The following PARD3B variants were observed in gnomAD, a reference collection of about 807,000 sequenced individuals.
The protein encoded by PARD3B is partitioning defective 3 homolog B.
PARD3B carries 103 observed loss-of-function variants against 130.2 expected under a neutral mutation model. The observed-to-expected ratio is 0.79, with a 90% confidence interval of 0.67 to 0.93. The LOEUF is 0.93. Among genes scored for constraint, PARD3B ranks in the 40% least tolerant of loss-of-function variants. The probability of loss-of-function intolerance (pLI) is 0.00; values close to 1 mark genes in which losing one functional copy is unlikely to be tolerated. For synonymous variants in PARD3B, 583 were observed against 553.2 expected (o/e 1.05, Z -0.76); for missense variants, 1,609 against 1,499.2 (o/e 1.07, Z -1.21).
chr2:205,003,977 G>A lies in PARD3B; in HGVS notation c.394+38654G>A, dbSNP rs554401313. ...TACACCAAAAAGAATTACAAAGTGG[G>A]GTCTGGGGCAGGGAGGCATGAAGAC... On this transcript the variant is annotated intron_variant, in intron 3 of 22. Coordinates refer to ENST00000406610, the MANE Select transcript of PARD3B (RefSeq NM_001302769.2). Among the ~76,000 whole-genome samples, 193 of 152,244 alleles carry A rather than the reference G, an allele frequency of 1.3e-3. 1 individual carries two copies. The highest frequency in any genetic ancestry group is 2.3e-3 in the Non-Finnish European group (156 of 68,012).
chr2:205,584,405 C>T lies in PARD3B; in HGVS notation c.3260+31002C>T, dbSNP rs1222748484. On this transcript the variant is annotated intron_variant, in intron 22 of 22. Coordinates refer to ENST00000406610, the MANE Select transcript of PARD3B (RefSeq NM_001302769.2). The surrounding 1 kb of genome is among the most constrained non-coding windows in gnomAD (Gnocchi z 5.5). Reference sequence around the variant, plus strand: ...TAAATTATGTATGCGAGGCCGGACACGATAGCTCATGCTTACAATCCCAGC... The same window carrying T: ...TAAATTATGTATGCGAGGCCGGACATGATAGCTCATGCTTACAATCCCAGC... Among the ~76,000 whole-genome samples, 1 of 152,110 alleles carries T rather than the reference C, an allele frequency of 6.6e-6. No individual in the cohort carries two copies. The highest frequency in any genetic ancestry group is 2.4e-5 in the African/African-American group (1 of 41,416).
intron 10 of PARD3B, among the ~76,000 whole-genome samples, chr2:205,151,211 T>C (rs1007646188): frequency 6.6e-6 from 1 of 152,200 alleles, no homozygotes; most frequent in Non-Finnish European, 1.5e-5. Context: ...ATAAGTGTGA[T>C]ATGGTGCTGA....
At chr2:205,257,229 G>T (rs113167196) in intron 16 of PARD3B, among the ~76,000 whole-genome samples, 1 of 151,948 alleles carries the variant, frequency 6.6e-6, no homozygotes, top group Non-Finnish European at 1.5e-5. Context: ...ATTAGAAACC[G>T]CATACCCCTA....
At chr2:204,881,834 G>A (rs138107195) in intron 2 of PARD3B, among the ~76,000 whole-genome samples, 171 of 152,258 alleles carry the variant, frequency 1.1e-3, no homozygotes, top group African/African-American at 3.9e-3. Context: ...CTGCCTAGTC[G>A]CCTCTTTTTC....
chr2:205,034,295 G>C (rs1164943030), intron 3 of PARD3B, among the ~76,000 whole-genome samples: 1 of 152,166 alleles, frequency 6.6e-6, no homozygotes, highest in Non-Finnish European at 1.5e-5. Flanking sequence ...CCATCAAACA[G>C]CTTACAATGT....
At position 205,458,731 on chromosome 2, in the gene PARD3B, TTA is replaced by T. The variant is rs2048353914; in HGVS notation, c.3044+18060_3044+18061del. On this transcript the variant is annotated intron_variant, in intron 20 of 22. Coordinates refer to ENST00000406610, the MANE Select transcript of PARD3B (RefSeq NM_001302769.2). This position sits in a 1 kb window ranked among gnomAD's most constrained non-coding sequence, Gnocchi z 4.8. The stretch of plus-strand genomic sequence containing the variant: ...ATATTGTTTGATTTTCTTCTTCACT[TTA>T]GTCATTTGGTCTTATCTCCTGGTAT... Among the ~76,000 whole-genome samples, 1 of 152,200 alleles carries T rather than the reference TTA, an allele frequency of 6.6e-6. No individual in the cohort carries two copies. The highest frequency in any genetic ancestry group is 1.9e-4 in the East Asian group (1 of 5,190).
chr2:204,554,932 G>C (rs1192870579), intron 1 of PARD3B, among the ~76,000 whole-genome samples: 1 of 152,204 alleles, frequency 6.6e-6, no homozygotes, highest in African/African-American at 2.4e-5. Flanking sequence ...TCCCTTATCG[G>C]AATGGCTCAC....
At chr2:205,398,647 G>A (rs1190412304) in intron 18 of PARD3B, among the ~76,000 whole-genome samples, 1 of 152,168 alleles carries the variant, frequency 6.6e-6, no homozygotes, top group African/African-American at 2.4e-5. Context: ...AGGCTTCTAG[G>A]AAAGGCAGGA....
intron 1 of PARD3B, among the ~76,000 whole-genome samples, chr2:204,683,999 C>A (rs990636917): frequency 6.6e-6 from 1 of 152,130 alleles, no homozygotes; most frequent in Non-Finnish European, 1.5e-5. Flanking sequence ...GGATGTGATG[C>A]GGCAACCCCA....
At chr2:204,938,477 G>A (rs1468693728) in intron 2 of PARD3B, among the ~76,000 whole-genome samples, 1 of 152,162 alleles carries the variant, frequency 6.6e-6, no homozygotes, top group East Asian at 1.9e-4. Context: ...CCAATTCAGA[G>A]AGGCCCTTCT....
rs377142288 is a variant in PARD3B, at chr2:205,301,523, C to T, written c.2452C>T (p.Pro818Ser). The stretch of plus-strand genomic sequence containing the variant: ...AGGAGCTCTGAATTGTGAGTCTGCC[C>T]CTCAGGGGAATTCGGAGCTAGAGGA... ...GQGALNCESA[P>S]QGNSELEDME... The change falls in exon 18 of 23, where the codon CCT (proline) becomes TCT (serine). Residue 818 changes from proline (P) to serine (S), a missense_variant. Pro to Ser is a moderately conservative substitution (Grantham distance 74). Transcript: ENST00000406610. The surrounding 1 kb of genome is among the most constrained non-coding windows in gnomAD (Gnocchi z 5.2). 2.7e-4 allele frequency: 435 copies of T among 1,613,724 alleles called. No individual in the cohort carries two copies. Among genetic ancestry groups the T allele is most frequent in the Non-Finnish European group, 3.5e-4 (412 of 1,180,020 alleles).
intron 11 of PARD3B, among the ~76,000 whole-genome samples, chr2:205,166,636 G>C (rs1359687089): frequency 6.6e-6 from 1 of 152,074 alleles, no homozygotes; most frequent in African/African-American, 2.4e-5. Flanking sequence ...TCTTTTCTTA[G>C]TTTAGGGTTT....
chr2:204,780,428 G>C (rs968477239), intron 2 of PARD3B, among the ~76,000 whole-genome samples: 1 of 152,150 alleles, frequency 6.6e-6, no homozygotes, highest in African/African-American at 2.4e-5. Context: ...AGGAAAGCCT[G>C]CATGAAACAG....
At chr2:205,126,913 G>T (rs1284986321) in intron 10 of PARD3B, among the ~76,000 whole-genome samples, 1 of 151,926 alleles carries the variant, frequency 6.6e-6, no homozygotes, top group Non-Finnish European at 1.5e-5. Context: ...ATACATCTGG[G>T]ATATTGGTTA....
In PARD3B at chr2:205,417,957, A is replaced by G. The variant is rs140475911; in HGVS notation, c.2741+16834A>G. ...ATAGGCAGTACTCCTTGGATAAACT[A>G]TTGTTAATCTGTATCATCTTGTATT... On this transcript the variant is annotated intron_variant, in intron 19 of 22. Transcript: ENST00000406610. Among the ~76,000 whole-genome samples the G allele has an allele frequency of 4.0e-3, 608 of 152,288 alleles. 8 individuals carry two copies. Among genetic ancestry groups the G allele is most frequent in the African/African-American group, 0.013 (559 of 41,566 alleles).
At chr2:205,559,525 G>T (rs1292687763) in intron 22 of PARD3B, among the ~76,000 whole-genome samples, 1 of 150,858 alleles carries the variant, frequency 6.6e-6, no homozygotes, top group African/African-American at 2.4e-5. Flanking sequence ...GTTTTAGATT[G>T]CTGTTTTGCA....
intron 18 of PARD3B, among the ~76,000 whole-genome samples, chr2:205,359,236 C>G (rs2044302624): frequency 1.3e-5 from 2 of 152,170 alleles, no homozygotes; most frequent in Admixed American, 1.3e-4. Context: ...ATTAAATTGT[C>G]AGCAAGTTAA....
At chr2:204,882,015 A>T (rs1315059009) in intron 2 of PARD3B, among the ~76,000 whole-genome samples, 1 of 152,186 alleles carries the variant, frequency 6.6e-6, no homozygotes, top group Non-Finnish European at 1.5e-5. Context: ...TCCTGGCGTC[A>T]GGCAGCACAG....
intron 18 of PARD3B, among the ~76,000 whole-genome samples, chr2:205,315,546 T>C (rs944669926): frequency 6.6e-6 from 1 of 152,318 alleles, no homozygotes; most frequent in African/African-American, 2.4e-5. Flanking sequence ...ATATGAGGCC[T>C]GGGAATCGCT....
Sources: allele counts gnomAD v4.1 joint callset (sites outside exome capture counted in the v4.1 genomes callset), GRCh38; gene constraint gnomAD v4.1.1; non-coding constraint Gnocchi (gnomAD v3.1); transcripts MANE v1.5; gene names NCBI Gene and HGNC (gene_info 2026-07-23, HGNC 2026-07-21).